Variants in LDHAL6A observed in about 807,000 individuals in gnomAD.
LDHAL6A encodes the protein L-lactate dehydrogenase A-like 6A.
In LDHAL6A, 19 loss-of-function variants were observed where a neutral mutation model predicts 28.2. That is an observed-to-expected ratio of 0.67 (90% CI 0.47 to 0.99). The LOEUF (loss-of-function observed/expected upper bound fraction) is 0.99, where lower values mean the gene tolerates loss of function less well. Ranked by LOEUF, LDHAL6A falls within the 50% of genes least tolerant of loss-of-function variation. LDHAL6A has a pLI of 0.00. For missense variants in LDHAL6A, 372 were observed against 398.6 expected, an observed-to-expected ratio of 0.93 and a Z score of 0.57; for synonymous variants, 144 against 134.4, an observed-to-expected ratio of 1.07 and a Z score of -0.49.
chr11:18,465,889 T>C, intron 3 of LDHAL6A, 79 bp downstream of exon 3: 1 of 1,154,066 alleles, frequency 8.7e-7, no homozygotes, highest in East Asian at 2.4e-5. Flanking sequence ...GTATACTGTG[T>C]GATGCTGAGG....
At chr11:18,475,362 C>A in intron 3 of LDHAL6A, 104 bp from the exon 4 acceptor site, 1 of 864,142 alleles carries the variant, frequency 1.2e-6, no homozygotes, top group Non-Finnish European at 1.8e-6. Context: ...ATGTTTCTTG[C>A]CTCCTCCACA....
At chr11:18,466,373 C>T (rs1447427742) in intron 3 of LDHAL6A, among the ~76,000 whole-genome samples, 1 of 151,976 alleles carries the variant, frequency 6.6e-6, no homozygotes, top group Non-Finnish European at 1.5e-5. Flanking sequence ...TAGTGTGAGG[C>T]CAGATGCAGT....
chr11:18,471,264 C>T (rs1288303496), intron 3 of LDHAL6A, among the ~76,000 whole-genome samples: 4 of 146,398 alleles, frequency 2.7e-5, no homozygotes, highest in African/African-American at 1.0e-4. Context: ...GGCTGGAGTG[C>T]AGTGGCGCAA....
Position 18,478,787 on chromosome 11 carries a change from G to A in LDHAL6A, c.916G>A (p.Val306Ile). 6.2e-7 allele frequency: 1 copy of A among 1,613,768 alleles called. No homozygotes were observed. The highest frequency in any genetic ancestry group is 1.6e-4 in the Middle Eastern group (1 of 6,062). The change falls in exon 7 of 7, where the codon GTA becomes ATA. Residue 306 changes from valine (V) to isoleucine (I), a missense_variant. Transcript: ENST00000280706. ...GENGITDLIK[V>I]KLTLEEEACL... The stretch of plus-strand genomic sequence containing the variant: ...GAATGGTATCACAGACCTCATAAAA[G>A]TAAAACTGACTCTTGAAGAGGAGGC...
intron 1 of LDHAL6A, 135 bp downstream of exon 1, chr11:18,456,941 CT>C: frequency 2.0e-5 from 17 of 845,686 alleles, no homozygotes; most frequent in Non-Finnish European, 2.8e-5. Context: ...AAAAGGTGCC[CT>C]TTTTTTAGTT....
At chr11:18,465,056 C>G (rs1189037967) in intron 2 of LDHAL6A, among the ~76,000 whole-genome samples, 1 of 146,268 alleles carries the variant, frequency 6.8e-6, no homozygotes, top group Non-Finnish European at 1.5e-5. Context: ...ACTTGGACTT[C>G]TGGGCTCGTG....
chr11:18,466,863 G>A (rs190181216), intron 3 of LDHAL6A, among the ~76,000 whole-genome samples: 8 of 152,204 alleles, frequency 5.3e-5, no homozygotes, highest in East Asian at 1.9e-4. Context: ...AATAGACTTC[G>A]GAGATAAAAT....
intron 1 of LDHAL6A, among the ~76,000 whole-genome samples, chr11:18,457,420 T>G (rs1386375527): frequency 4.7e-4 from 70 of 150,120 alleles, no homozygotes; most frequent in Non-Finnish European, 2.4e-4. Context: ...TAAGACACTC[T>G]GAGCTATACT....
At chr11:18,475,195 ATT>A (rs1849342063) in intron 3 of LDHAL6A, 2 of 317,812 alleles carry the variant, frequency 6.3e-6, no homozygotes, top group Non-Finnish European at 1.2e-5. Context: ...ATAAGAGAGT[ATT>A]TGTTTATTCA....
At chr11:18,476,533 T>G (rs551675118) in intron 5 of LDHAL6A, 32 bp downstream of exon 5, 1 of 1,607,186 alleles carries the variant, frequency 6.2e-7, no homozygotes, top group African/African-American at 1.3e-5. Flanking sequence ...TTCAGTACCT[T>G]AGAAGTTGTG....
chr11:18,465,531 C>T (rs987336269), intron 2 of LDHAL6A, 106 bp from the exon 3 acceptor site: 1 of 827,628 alleles, frequency 1.2e-6, no homozygotes, highest in Middle Eastern at 3.8e-4. Flanking sequence ...TTTAAGGGAA[C>T]CCACTCTTTG....
At chr11:18,464,257 C>T (rs1235533973) in intron 2 of LDHAL6A, among the ~76,000 whole-genome samples, 179 bp downstream of exon 2, 1 of 152,162 alleles carries the variant, frequency 6.6e-6, no homozygotes. Context: ...TTTCCCACGG[C>T]ACCAGACTGA....
At position 18,467,876 on chromosome 11, in the gene LDHAL6A, CACACATATATATATATAT is replaced by C. The variant is rs1460303790; in HGVS notation, c.418+2068_418+2085del. Among the ~76,000 whole-genome samples, 41 of 33,538 alleles carry C rather than the reference CACACATATATATATATAT, an allele frequency of 1.2e-3. 3 individuals carry two copies. The highest frequency in any genetic ancestry group is 9.2e-5 in the Non-Finnish European group (2 of 21,716). The allele number at this position is 33,538 out of a possible 152,430, so 22.0% of individuals were successfully genotyped here. ...GTCTCAAAAAAAATATATATATATA[CACACATATATATATATAT>C]ATATATATATATATATATATATATA... On this transcript the variant is annotated intron_variant, in intron 3 of 6. Transcript: ENST00000280706.
chr11:18,458,574 C>T (rs1028751469), intron 1 of LDHAL6A, among the ~76,000 whole-genome samples: 1 of 152,170 alleles, frequency 6.6e-6, no homozygotes, highest in Non-Finnish European at 1.5e-5. Context: ...CTTTCCCTGT[C>T]CTGGCCCTAG....
chr11:18,474,382 G>A (rs763417102), intron 3 of LDHAL6A, among the ~76,000 whole-genome samples: 3 of 148,234 alleles, frequency 2.0e-5, no homozygotes, highest in African/African-American at 7.5e-5. Context: ...TGGTGATGAC[G>A]TATGTTTCTT....
chr11:18,466,801 C>T (rs553535377), intron 3 of LDHAL6A, among the ~76,000 whole-genome samples: 29 of 152,198 alleles, frequency 1.9e-4, no homozygotes, highest in African/African-American at 6.7e-4. Flanking sequence ...CCTGACTCTC[C>T]AAAATTGTAC....
intron 3 of LDHAL6A, chr11:18,468,829 G>A (rs1849189116): frequency 5.7e-6 from 1 of 175,108 alleles, no homozygotes; most frequent in Admixed American, 6.3e-5. Flanking sequence ...AGTTCTTTTT[G>A]TATGGCATTG....
At chr11:18,468,066 T>A (rs1202408013) in intron 3 of LDHAL6A, among the ~76,000 whole-genome samples, 1 of 118,826 alleles carries the variant, frequency 8.4e-6, no homozygotes, top group Non-Finnish European at 1.7e-5. Context: ...TATATACATA[T>A]ATATATATAT....
At chr11:18,476,685 G>A in intron 5 of LDHAL6A, 184 bp downstream of exon 5, 1 of 891,486 alleles carries the variant, frequency 1.1e-6, no homozygotes, top group Non-Finnish European at 1.3e-6. Context: ...AACTGATTCT[G>A]TGTTGCTTAT....
Sources: allele counts gnomAD v4.1 joint callset (sites outside exome capture counted in the v4.1 genomes callset), GRCh38; gene constraint gnomAD v4.1.1; transcripts MANE v1.5; gene names NCBI Gene and HGNC (gene_info 2026-07-23, HGNC 2026-07-21).